WWTR1: variants seen among roughly 807,000 people sequenced by gnomAD.
WWTR1 encodes WW domain-containing transcription regulator protein 1.
WWTR1 carries 13 observed loss-of-function variants against 40.1 expected under a neutral mutation model. That is an observed-to-expected ratio of 0.32 (90% confidence interval 0.21 to 0.52). The LOEUF (loss-of-function observed/expected upper bound fraction) is 0.52, where lower values mean the gene tolerates loss of function less well. Ranked by LOEUF, WWTR1 falls within the 20% of genes least tolerant of loss-of-function variation. WWTR1 has a pLI of 0.97. For missense variants in WWTR1, 436 were observed against 523.1 expected (o/e 0.83, Z 1.63); for synonymous variants, 230 against 210.1 (o/e 1.09, Z -0.82).
At chr3:149,702,685 T>G (rs1295818616) in intron 1 of WWTR1, 1 of 151,892 alleles carries the variant, frequency 6.6e-6, no homozygotes, top group African/African-American at 2.4e-5. Flanking sequence ...ATCAGACACA[T>G]CCTGATTGGC....
intron 4 of WWTR1, among the ~76,000 whole-genome samples, chr3:149,539,370 C>A (rs574950827): frequency 6.6e-6 from 1 of 152,280 alleles, no homozygotes; most frequent in African/African-American, 2.4e-5. Flanking sequence ...TTGCCAACCT[C>A]CCTTTCTACT....
intron 4 of WWTR1, among the ~76,000 whole-genome samples, chr3:149,535,506 T>C (rs1190299099): frequency 6.6e-6 from 1 of 152,154 alleles, no homozygotes; most frequent in African/African-American, 2.4e-5. Context: ...GCTGCCAGAC[T>C]GTCCCTACAA....
chr3:149,529,091 GAA>G (rs1735458099), intron 4 of WWTR1, among the ~76,000 whole-genome samples: 1 of 152,150 alleles, frequency 6.6e-6, no homozygotes, highest in Non-Finnish European at 1.5e-5. Context: ...TGTTTCCAGA[GAA>G]TACTTTTGTA....
chr3:149,579,229 A>C (rs1470436372), intron 2 of WWTR1, among the ~76,000 whole-genome samples: 4 of 152,306 alleles, frequency 2.6e-5, no homozygotes, highest in African/African-American at 9.6e-5. Flanking sequence ...GTCAGACATC[A>C]GGGCTCCCCT....
intron 2 of WWTR1, among the ~76,000 whole-genome samples, chr3:149,634,863 C>A (rs1007273134): frequency 6.6e-6 from 1 of 152,230 alleles, no homozygotes; most frequent in Non-Finnish European, 1.5e-5. Context: ...CCCTCCAGAC[C>A]CGGCCACGGT....
At chr3:149,652,168 A>G (rs1712917605) in intron 2 of WWTR1, among the ~76,000 whole-genome samples, 1 of 151,814 alleles carries the variant, frequency 6.6e-6, no homozygotes, top group African/African-American at 2.4e-5. Flanking sequence ...TTTAAGAATC[A>G]TATACGAATA....
rs1739390966 is a variant in WWTR1, at chr3:149,604,330, A to G, written c.432-31330T>C. On this transcript the variant is annotated intron_variant, in intron 2 of 6. Coordinates refer to ENST00000360632, the MANE Select transcript of WWTR1 (RefSeq NM_015472.6). Reference sequence around the variant, plus strand: ...ATGCACACCCCACCACATCCCGGGAAGGAGCTTGCACAGGACTTTAAGGGC... The same window carrying G: ...ATGCACACCCCACCACATCCCGGGAGGGAGCTTGCACAGGACTTTAAGGGC... Among the ~76,000 whole-genome samples, 3 of 152,096 alleles carry G rather than the reference A, an allele frequency of 2.0e-5. No homozygotes were observed. The South Asian group carries it at 6.2e-4, about 32-fold the overall frequency.
chr3:149,520,859 G>A lies in WWTR1; in HGVS notation c.1149C>T (p.Phe383=). 6.2e-7 allele frequency: 1 copy of A among 1,613,494 alleles called. No individual in the cohort carries two copies. Residue 383 remains phenylalanine, a synonymous_variant, in exon 7 of 7, where the codon TTC becomes TTT. Transcript: ENST00000360632. ...TGTTCAGAGCAGACTCTACATCATT[G>A]AAGAGGGGGATCAGGTCTTCAGATT... ...TLESEDLIPL[F]NDVESALNKS... is the part of the protein sequence containing the mutation.
At chr3:149,585,290 G>A (rs527841277) in intron 2 of WWTR1, among the ~76,000 whole-genome samples, 112 of 152,078 alleles carry the variant, frequency 7.4e-4, no homozygotes, top group African/African-American at 2.5e-3. Context: ...GCGCCACTAC[G>A]CCAGGCTAAT....
At chr3:149,598,334 T>A (rs531417763) in intron 2 of WWTR1, among the ~76,000 whole-genome samples, 1 of 152,376 alleles carries the variant, frequency 6.6e-6, no homozygotes, top group East Asian at 1.9e-4. Context: ...TATCATTATC[T>A]CATTTAATAC....
At chr3:149,533,288 C>G (rs774281073) in intron 4 of WWTR1, among the ~76,000 whole-genome samples, 1 of 152,188 alleles carries the variant, frequency 6.6e-6, no homozygotes, top group Non-Finnish European at 1.5e-5. Flanking sequence ...CAGGTCCCTA[C>G]CCAACACTTT....
intron 2 of WWTR1, among the ~76,000 whole-genome samples, chr3:149,600,684 T>C (rs1416244876): frequency 1.3e-5 from 2 of 152,188 alleles, no homozygotes; most frequent in African/African-American, 2.4e-5. Context: ...CCAAATAAAG[T>C]CTTTCCATGA....
intron 2 of WWTR1, among the ~76,000 whole-genome samples, chr3:149,591,243 C>G (rs1738711189): frequency 6.6e-6 from 1 of 152,160 alleles, no homozygotes; most frequent in Non-Finnish European, 1.5e-5. Context: ...AAGGCAACAG[C>G]TGAATATGCC....
At chr3:149,615,762 C>T (rs1198622605) in intron 2 of WWTR1, among the ~76,000 whole-genome samples, 1 of 152,158 alleles carries the variant, frequency 6.6e-6, no homozygotes, top group Non-Finnish European at 1.5e-5. Flanking sequence ...ACCCACTTGG[C>T]CAAGGACTCA....
intron 3 of WWTR1, among the ~76,000 whole-genome samples, chr3:149,558,027 T>C (rs917388322): frequency 1.3e-5 from 2 of 151,096 alleles, no homozygotes; most frequent in Non-Finnish European, 2.9e-5. Context: ...AAAAGAATTA[T>C]ATGTTTTTTA....
At chr3:149,629,147 C>T (rs1711499473) in intron 2 of WWTR1, among the ~76,000 whole-genome samples, 1 of 152,186 alleles carries the variant, frequency 6.6e-6, no homozygotes, top group African/African-American at 2.4e-5. Flanking sequence ...TTTAATTGTG[C>T]AGCATGAGTT....
intron 2 of WWTR1, among the ~76,000 whole-genome samples, chr3:149,622,494 G>GA (rs1560089693): frequency 0.036 from 1,572 of 44,270 alleles, 13 homozygotes; most frequent in South Asian, 0.079. Flanking sequence ...AGGAAGGAAG[G>GA]AAGGAAGGAA....
chr3:149,605,703 C>T (rs141906797), intron 2 of WWTR1, among the ~76,000 whole-genome samples: 1 of 152,244 alleles, frequency 6.6e-6, no homozygotes, highest in African/African-American at 2.4e-5. Flanking sequence ...GTTGCTGAAA[C>T]ATTTTCTCTA....
rs879597745 is a variant in WWTR1, at chr3:149,553,514, CA to C, written c.569-10978del. Reference sequence around the variant, plus strand: ...TAGAGCATTTTGTTCTTCAATCCTCCAAAAAAAAAAGACAAAAATCAAATAA... The same window carrying C: ...TAGAGCATTTTGTTCTTCAATCCTCCAAAAAAAAAGACAAAAATCAAATAA... On this transcript the variant is annotated intron_variant, in intron 3 of 6. Coordinates refer to ENST00000360632, the MANE Select transcript of WWTR1 (RefSeq NM_015472.6). 5.3e-4 allele frequency among the ~76,000 whole-genome samples: 77 copies of C among 145,064 alleles called. 2 individuals carry two copies. The East Asian group carries it at 6.1e-3, about 12-fold the overall frequency.
Sources: gnomAD v4.1 joint callset for allele counts (sites outside exome capture counted in the v4.1 genomes callset) on GRCh38, gnomAD v4.1.1 for gene constraint, MANE v1.5 for transcripts, NCBI Gene and HGNC (gene_info 2026-07-23, HGNC 2026-07-21) for gene names.